PLXNC1: variants seen among roughly 807,000 people sequenced by gnomAD.
PLXNC1 encodes plexin-C1.
Under a neutral mutation model 178.2 loss-of-function variants are expected in PLXNC1, and 75 were observed. That is an observed-to-expected ratio of 0.42 (90% CI 0.35 to 0.51). The LOEUF is 0.51. Among genes scored for constraint, PLXNC1 ranks in the 20% least tolerant of loss-of-function variants. The pLI is 0.02. For synonymous variants in PLXNC1, 790 were observed against 779.9 expected (o/e 1.01, Z -0.22); for missense variants, 1,503 against 1,984.4 (o/e 0.76, Z 4.61).
At chr12:94,254,681 GTTTTGT>G (rs567314869) in intron 15 of PLXNC1, 100 bp from the exon 16 acceptor site, 115 of 750,216 alleles carry the variant, frequency 1.5e-4, no homozygotes, top group Middle Eastern at 1.4e-3. Flanking sequence ...GTCCCTATCT[GTTTTGT>G]TTTTGTTTTT....
intron 21 of PLXNC1, among the ~76,000 whole-genome samples, chr12:94,270,195 T>C (rs1353221536): frequency 6.6e-6 from 1 of 152,222 alleles, no homozygotes; most frequent in African/African-American, 2.4e-5. Context: ...TAGCATTCCA[T>C]TTGAAGGTAC....
intron 5 of PLXNC1, among the ~76,000 whole-genome samples, chr12:94,213,407 T>A (rs1185552271): frequency 6.6e-6 from 1 of 152,268 alleles, no homozygotes; most frequent in Non-Finnish European, 1.5e-5. Context: ...TGACCAGTGA[T>A]GATGAGCATT....
chr12:94,267,760 A>G (rs568368908), intron 21 of PLXNC1, among the ~76,000 whole-genome samples: 2 of 152,314 alleles, frequency 1.3e-5, no homozygotes, highest in African/African-American at 4.8e-5. Flanking sequence ...AATATAAAAA[A>G]TTTAAGTTTT....
In PLXNC1 at chr12:94,275,847, T is replaced by C. The variant is rs1477025811; in HGVS notation, c.3598-3625T>C. ...TCCAGCCTGGGCGACAGAGCGAGAC[T>C]CCGTCTCAAAAAAAAAAAAAAAAAA... On this transcript the variant is annotated intron_variant, in intron 21 of 30. Coordinates refer to ENST00000258526, the MANE Select transcript of PLXNC1 (RefSeq NM_005761.3). Among the ~76,000 whole-genome samples, 2 of 105,904 alleles carry C rather than the reference T, an allele frequency of 1.9e-5. 1 individual carries two copies. Among genetic ancestry groups the C allele is most frequent in the Non-Finnish European group, 3.6e-5 (2 of 55,710 alleles). The allele number at this position is 105,904 out of a possible 152,430, so 69.5% of individuals were successfully genotyped here.
chr12:94,236,908 CT>C (rs200657662), intron 9 of PLXNC1, among the ~76,000 whole-genome samples: 1 of 151,124 alleles, frequency 6.6e-6, no homozygotes, highest in South Asian at 2.1e-4. Context: ...AAATAAAGGG[CT>C]TTTTTTTTAA....
chr12:94,248,609 G>A (rs989315622), intron 14 of PLXNC1, among the ~76,000 whole-genome samples, 197 bp downstream of exon 14: 7 of 152,164 alleles, frequency 4.6e-5, no homozygotes, highest in Non-Finnish European at 1.0e-4. Context: ...GTGCCTGTTC[G>A]AACGTCAAAG....
chr12:94,206,339 T>A (rs886415858), intron 4 of PLXNC1, among the ~76,000 whole-genome samples: 2 of 152,096 alleles, frequency 1.3e-5, no homozygotes, highest in Non-Finnish European at 2.9e-5. Context: ...CAAACTCTAG[T>A]ATTATCTCGA....
chr12:94,218,772 C>T (rs542807328), intron 5 of PLXNC1, among the ~76,000 whole-genome samples: 6 of 152,240 alleles, frequency 3.9e-5, no homozygotes, highest in African/African-American at 1.4e-4. Context: ...CACAAAAACA[C>T]TCCCTCCACC....
chr12:94,212,230 C>T (rs1317842442), intron 5 of PLXNC1, among the ~76,000 whole-genome samples: 4 of 147,138 alleles, frequency 2.7e-5, no homozygotes, highest in Non-Finnish European at 6.0e-5. Flanking sequence ...GCCGAGATCC[C>T]GCCACTGCTC....
chr12:94,204,770 G>T (rs1372254898), intron 4 of PLXNC1, among the ~76,000 whole-genome samples: 1 of 152,212 alleles, frequency 6.6e-6, no homozygotes, highest in African/African-American at 2.4e-5. Context: ...AAATCACTTA[G>T]CAAAAGACCT....
intron 1 of PLXNC1, among the ~76,000 whole-genome samples, chr12:94,155,498 A>C (rs574867962): frequency 1.9e-4 from 29 of 152,336 alleles, no homozygotes; most frequent in African/African-American, 7.0e-4. Flanking sequence ...CACCTAGGAT[A>C]GGAACTTGTC....
intron 4 of PLXNC1, among the ~76,000 whole-genome samples, chr12:94,192,491 T>G (rs1243875773): frequency 1.3e-5 from 2 of 151,524 alleles, no homozygotes; most frequent in African/African-American, 4.9e-5. Flanking sequence ...CCCCAAATCC[T>G]TAGTGGTCTA....
At position 94,150,044 on chromosome 12, in the gene PLXNC1, C is replaced by A; in HGVS notation, c.1062+11C>A. ...GCCGAGAGCCACTGCGTAAGTCCTGCCCCCGGGGCGCCGCGGAGAGCGCTG... is the reference window on the plus strand; with the variant it reads ...GCCGAGAGCCACTGCGTAAGTCCTGACCCCGGGGCGCCGCGGAGAGCGCTG... On this transcript the variant is annotated intron_variant, in intron 1 of 30. Transcript: ENST00000258526. The A allele has an allele frequency of 1.9e-6, 3 of 1,554,700 alleles. No homozygotes were observed. Among genetic ancestry groups the A allele is most frequent in the South Asian group, 1.2e-5 (1 of 84,292 alleles).
chr12:94,268,630 T>C (rs1444272507), intron 21 of PLXNC1, among the ~76,000 whole-genome samples: 1 of 124,898 alleles, frequency 8.0e-6, no homozygotes, highest in East Asian at 2.6e-4. Flanking sequence ...GGAATACCAC[T>C]CTAGTGCAGG....
At chr12:94,221,488 C>T (rs527701544) in intron 6 of PLXNC1, among the ~76,000 whole-genome samples, 1 of 152,048 alleles carries the variant, frequency 6.6e-6, no homozygotes, top group East Asian at 1.9e-4. Flanking sequence ...TGAGTCTCTT[C>T]GAATGAGAAA....
rs755253917 is a variant in PLXNC1, at chr12:94,237,644, T to G, written c.1981-20T>G. ...ATTTCTTAGCTTTGATCTCCTGTTT[T>G]AATCTTTTCTTTCCAATAGGTCTTC... On this transcript the variant is annotated intron_variant, in intron 9 of 30. Transcript: ENST00000258526. 1 of 1,607,530 alleles carries G rather than the reference T, an allele frequency of 6.2e-7. No homozygotes were observed. Among genetic ancestry groups the G allele is most frequent in the East Asian group, 2.2e-5 (1 of 44,756 alleles).
At chr12:94,234,646 C>T (rs11107469) in intron 9 of PLXNC1, among the ~76,000 whole-genome samples, 19,363 of 152,198 alleles carry the variant, frequency 0.13, 1,535 homozygotes, top group East Asian at 0.37. Flanking sequence ...GATTTGAATA[C>T]ATAGAAATCC....
intron 2 of PLXNC1, among the ~76,000 whole-genome samples, chr12:94,180,435 C>A (rs1962262956): frequency 6.6e-6 from 1 of 152,134 alleles, no homozygotes; most frequent in African/African-American, 2.4e-5. Flanking sequence ...TTACTTTTTT[C>A]TTATTAATAG....
chr12:94,277,270 C>G (rs1299201546), intron 21 of PLXNC1: 1 of 152,408 alleles, frequency 6.6e-6, no homozygotes, highest in Admixed American at 6.5e-5. Context: ...TATGAGGACT[C>G]TGCCCTCATG....
Sources: gnomAD v4.1 joint callset for allele counts (sites outside exome capture counted in the v4.1 genomes callset) on GRCh38, gnomAD v4.1.1 for gene constraint, MANE v1.5 for transcripts, NCBI Gene and HGNC (gene_info 2026-07-23, HGNC 2026-07-21) for gene names.